Variants in DRC11 observed in about 807,000 individuals in gnomAD.
DRC11 encodes the protein IQ and AAA domain-containing protein 1.
chr2:236,380,802 C>T, the DRC11 span, among the ~76,000 whole-genome samples: 1 of 152,130 alleles, frequency 6.6e-6, no homozygotes, highest in Non-Finnish European at 1.5e-5. The surrounding 1 kb of genome is among the most constrained non-coding windows in gnomAD (Gnocchi z 4.9). Flanking sequence ...AGGGACTGGC[C>T]TGGAAAATCC....
chr2:236,446,177 C>T, the DRC11 span, among the ~76,000 whole-genome samples: 1,380 of 152,304 alleles, frequency 9.1e-3, 19 homozygotes, highest in African/African-American at 0.031. The surrounding 1 kb of genome is among the most constrained non-coding windows in gnomAD (Gnocchi z 6.2). Context: ...CCGACTGAGC[C>T]TCCTCAGAAT....
At chr2:236,324,900 G>T in the DRC11 span, 1 of 700,558 alleles carries the variant, frequency 1.4e-6, no homozygotes, top group Non-Finnish European at 2.4e-6. The surrounding 1 kb of genome is among the most constrained non-coding windows in gnomAD (Gnocchi z 5.7). Context: ...TGTACTTTGG[G>T]CATTTAAGGT....
chr2:236,390,676 G>C, the DRC11 span, among the ~76,000 whole-genome samples: 1 of 151,952 alleles, frequency 6.6e-6, no homozygotes, highest in African/African-American at 2.4e-5. The surrounding 1 kb of genome is among the most constrained non-coding windows in gnomAD (Gnocchi z 5.9). Context: ...CAGCACAATG[G>C]TTGCAGTAAA....
chr2:236,456,889 G>C, the DRC11 span, among the ~76,000 whole-genome samples: 1 of 152,174 alleles, frequency 6.6e-6, no homozygotes, highest in African/African-American at 2.4e-5. This position sits in a 1 kb window ranked among gnomAD's most constrained non-coding sequence, Gnocchi z 5.4. Context: ...ATCAGTCCCA[G>C]GGTCCAGAGA....
the DRC11 span, among the ~76,000 whole-genome samples, chr2:236,450,314 CTTTTTTTTTT>C: frequency 1.2e-5 from 1 of 82,378 alleles, no homozygotes; most frequent in Non-Finnish European, 2.3e-5. Context: ...CTTTTCTTTT[CTTTTTTTTTT>C]TTTTTTTTTT....
At chr2:236,404,547 C>T in the DRC11 span, among the ~76,000 whole-genome samples, 1 of 152,216 alleles carries the variant, frequency 6.6e-6, no homozygotes, top group Non-Finnish European at 1.5e-5. Context: ...CCCAGTCAAG[C>T]AACGGTGCTG....
chr2:236,424,344 T>C, the DRC11 span, among the ~76,000 whole-genome samples: 1 of 152,204 alleles, frequency 6.6e-6, no homozygotes, highest in Non-Finnish European at 1.5e-5. Context: ...TTACCAATTA[T>C]ATGGTTTATT....
chr2:236,354,661 G>A, the DRC11 span, among the ~76,000 whole-genome samples: 25 of 152,236 alleles, frequency 1.6e-4, no homozygotes, highest in African/African-American at 5.5e-4. Context: ...TTGAATGCTC[G>A]TGGCATCAAA....
the DRC11 span, among the ~76,000 whole-genome samples, chr2:236,418,822 C>A: frequency 1.8e-4 from 28 of 152,220 alleles, no homozygotes; most frequent in African/African-American, 6.0e-4. Context: ...TTTTACTTCT[C>A]TCTACCATTG....
chr2:236,310,478 T>A, the DRC11 span, among the ~76,000 whole-genome samples: 1 of 152,348 alleles, frequency 6.6e-6, no homozygotes, highest in Admixed American at 6.5e-5. The surrounding 1 kb of genome is among the most constrained non-coding windows in gnomAD (Gnocchi z 5.5). Context: ...CCCCTGTGTA[T>A]GTGTGAGTAT....
the DRC11 span, among the ~76,000 whole-genome samples, chr2:236,465,323 G>A: frequency 6.6e-6 from 1 of 152,104 alleles, no homozygotes. This position sits in a 1 kb window ranked among gnomAD's most constrained non-coding sequence, Gnocchi z 6.2. Context: ...GCACTATGTG[G>A]GCCGTTTTTC....
At chr2:236,352,200 G>C in the DRC11 span, among the ~76,000 whole-genome samples, 4 of 152,142 alleles carry the variant, frequency 2.6e-5, no homozygotes, top group East Asian at 3.9e-4. This position sits in a 1 kb window ranked among gnomAD's most constrained non-coding sequence, Gnocchi z 7.0. Flanking sequence ...TGAGCAGGAG[G>C]GGGGCGGCCA....
the DRC11 span, among the ~76,000 whole-genome samples, chr2:236,423,305 G>A: frequency 1.3e-5 from 2 of 151,706 alleles, no homozygotes; most frequent in African/African-American, 2.4e-5. Flanking sequence ...CTACTCATCT[G>A]ACAAAGGGCT....
the DRC11 span, among the ~76,000 whole-genome samples, chr2:236,340,962 C>T: frequency 2.0e-5 from 3 of 152,124 alleles, no homozygotes; most frequent in African/African-American, 7.2e-5. Context: ...CTGTTATGCA[C>T]GAGACCTGTG....
At chr2:236,422,292 G>T in the DRC11 span, among the ~76,000 whole-genome samples, 4 of 152,294 alleles carry the variant, frequency 2.6e-5, no homozygotes, top group African/African-American at 9.6e-5. Context: ...TGACATGATT[G>T]TATATCTAGA....
the DRC11 span, chr2:236,368,503 G>T: frequency 1.8e-6 from 1 of 541,990 alleles, no homozygotes; most frequent in Non-Finnish European, 3.3e-6. Context: ...AGAAAGCCCT[G>T]CTCTACTAGC....
chr2:236,321,212 C>T, the DRC11 span, among the ~76,000 whole-genome samples: 22 of 152,126 alleles, frequency 1.4e-4, no homozygotes, highest in African/African-American at 5.1e-4. Flanking sequence ...GCACTTATTA[C>T]AGCAAGGATG....
chr2:236,395,540 C>T, the DRC11 span, among the ~76,000 whole-genome samples: 2 of 152,194 alleles, frequency 1.3e-5, no homozygotes, highest in Non-Finnish European at 2.9e-5. Flanking sequence ...GAGTTTACGA[C>T]TCCTGCATTT....
chr2:236,450,359 G>A, the DRC11 span, among the ~76,000 whole-genome samples: 2 of 110,856 alleles, frequency 1.8e-5, no homozygotes, highest in African/African-American at 7.2e-5. Flanking sequence ...TCGCTCTGTT[G>A]CCCAGGCTGG....
Sources: gnomAD v4.1 joint callset for allele counts (sites outside exome capture counted in the v4.1 genomes callset) on GRCh38, gnomAD v4.1.1 for gene constraint, Gnocchi (gnomAD v3.1) non-coding constraint, MANE v1.5 for transcripts, NCBI Gene and HGNC (gene_info 2026-07-23, HGNC 2026-07-21) for gene names.